The following SLC6A9 variants were observed in gnomAD, a reference collection of about 807,000 sequenced individuals.
The protein encoded by SLC6A9 is sodium- and chloride-dependent glycine transporter 1.
In SLC6A9, 31 loss-of-function variants were observed where a neutral mutation model predicts 70.9. The observed-to-expected ratio is 0.44, with a 90% CI of 0.33 to 0.59. The LOEUF (loss-of-function observed/expected upper bound fraction) is 0.59. SLC6A9 is among the 20% of genes least tolerant of loss of function. The probability of loss-of-function intolerance (pLI) is 0.04; values close to 1 mark genes in which losing one functional copy is unlikely to be tolerated. For synonymous variants in SLC6A9, 310 were observed against 341.3 expected (o/e 0.91, Z 1.01); for missense variants, 631 against 845.2 (o/e 0.75, Z 3.14).
At chr1:44,028,264 G>A (rs890014963) in intron 1 of SLC6A9, among the ~76,000 whole-genome samples, 7 of 152,302 alleles carry the variant, frequency 4.6e-5, no homozygotes, top group African/African-American at 1.7e-4. Context: ...GGACAGAGAG[G>A]CCTGGCCAGG....
chr1:43,998,032 G>A lies in SLC6A9; in HGVS notation c.1537-7C>T, dbSNP rs200447608. 10 of 1,605,972 alleles carry A rather than the reference G, an allele frequency of 6.2e-6. No individual in the cohort carries two copies. The highest frequency in any genetic ancestry group is 3.3e-5 in the South Asian group (3 of 90,334). On this transcript the variant is annotated splice_region_variant and splice_polypyrimidine_tract_variant and intron_variant, in intron 12 of 13. Coordinates refer to ENST00000372310, the MANE Select transcript of SLC6A9 (RefSeq NM_001024845.3). ...CAGTGAAAACTAGAATAAACTGCACGGGGCAGGTGTGGGAGTGGGCGTGAG... is the reference window on the plus strand; with the variant it reads ...CAGTGAAAACTAGAATAAACTGCACAGGGCAGGTGTGGGAGTGGGCGTGAG...
At chr1:44,009,439 G>A (rs376654850) in intron 4 of SLC6A9, among the ~76,000 whole-genome samples, 2 of 152,068 alleles carry the variant, frequency 1.3e-5, no homozygotes, top group African/African-American at 4.8e-5. Flanking sequence ...TAGCCAGTAT[G>A]GTCTTGATCT....
intron 5 of SLC6A9, among the ~76,000 whole-genome samples, chr1:44,007,777 C>G (rs894369744): frequency 3.3e-5 from 5 of 152,166 alleles, no homozygotes; most frequent in Admixed American, 6.5e-5. Flanking sequence ...AGGATCTGCC[C>G]CCCTTTCCCC....
At position 44,002,690 on chromosome 1, in the gene SLC6A9, C is replaced by T; in HGVS notation, c.724-44G>A. The T allele has an allele frequency of 6.2e-7, 1 of 1,611,678 alleles. No individual in the cohort carries two copies. The highest frequency in any genetic ancestry group is 2.2e-5 in the East Asian group (1 of 44,864). On this transcript the variant is annotated intron_variant, in intron 6 of 13. Transcript: ENST00000372310. The surrounding 1 kb of genome is among the most constrained non-coding windows in gnomAD (Gnocchi z 5.5). ...ATGGACTCTTCTGGGCTCTCCCCTC[C>T]CCTGGGCACCACCACCCTGGCTCCC...
Position 44,024,311 on chromosome 1 carries a change from C to T in SLC6A9, c.-34G>A, listed in dbSNP as rs1194959538. On this transcript the variant is annotated 5_prime_UTR_variant, in exon 2 of 14. Coordinates refer to ENST00000372310, the MANE Select transcript of SLC6A9 (RefSeq NM_001024845.3). The stretch of plus-strand genomic sequence containing the variant: ...TGGGTTGGGGCTCTGGTGACGGGGA[C>T]CACACTCACAGGCTCTGCTTCCAGC... 6.2e-7 allele frequency: 1 copy of T among 1,613,726 alleles called. No individual in the cohort carries two copies. The highest frequency in any genetic ancestry group is 8.5e-7 in the Non-Finnish European group (1 of 1,179,582).
chr1:43,997,774 C>A lies in SLC6A9; in HGVS notation c.1708-35G>T. On this transcript the variant is annotated intron_variant, in intron 13 of 13. Transcript: ENST00000372310. This position sits in a 1 kb window ranked among gnomAD's most constrained non-coding sequence, Gnocchi z 4.4. ...GTAGGCATGGGGCACAGGGGCAGGG[C>A]ACGTCAGGAGGGAGCCCTTAAGCCC... The A allele has an allele frequency of 6.3e-7, 1 of 1,592,882 alleles. No homozygotes were observed. Among genetic ancestry groups the A allele is most frequent in the Non-Finnish European group, 8.6e-7 (1 of 1,168,232 alleles).
intron 1 of SLC6A9, among the ~76,000 whole-genome samples, chr1:44,030,995 C>A (rs573004304): frequency 1.3e-5 from 2 of 152,032 alleles, no homozygotes; most frequent in Admixed American, 1.3e-4. Context: ...CTGGCGCCCC[C>A]CCGCCACCCC....
rs942748623 is a variant in SLC6A9 at position 43,997,016 on chromosome 1, A to G, written c.*529T>C. ...GGCTGGGGGCGAGGAGGTGGCGACC[A>G]CAGAGAATACAATGTTTACAAAAAT... On this transcript the variant is annotated 3_prime_UTR_variant, in exon 14 of 14. Coordinates refer to ENST00000372310, the MANE Select transcript of SLC6A9 (RefSeq NM_001024845.3). The surrounding 1 kb of genome is among the most constrained non-coding windows in gnomAD (Gnocchi z 4.4). 6 of 154,834 alleles carry G rather than the reference A, an allele frequency of 3.9e-5. No individual in the cohort carries two copies. The highest frequency in any genetic ancestry group is 9.6e-5 in the African/African-American group (4 of 41,462). 9.6% of individuals were successfully genotyped at this position (154,834 alleles called of 1,614,324 possible).
At chr1:44,011,820 C>G (rs2086582875) in intron 2 of SLC6A9, 3 of 1,209,142 alleles carry the variant, frequency 2.5e-6, no homozygotes, top group Non-Finnish European at 3.5e-6. Flanking sequence ...GGCCTGGGCC[C>G]CACTGAGGAC....
intron 3 of SLC6A9, chr1:44,010,404 C>A: frequency 2.4e-6 from 1 of 411,208 alleles, no homozygotes; most frequent in Non-Finnish European, 4.3e-6. Context: ...CATCCCTGAA[C>A]CATTTAGGGG....
At chr1:44,031,099 C>T (rs1033206764) in intron 1 of SLC6A9, among the ~76,000 whole-genome samples, 10 of 151,258 alleles carry the variant, frequency 6.6e-5, no homozygotes, top group Admixed American at 3.9e-4. Context: ...CCGATCTTTG[C>T]GGCGAGACAG....
Position 44,002,399 on chromosome 1 carries a change from G to T in SLC6A9, c.876C>A (p.Ala292=). Residue 292 remains alanine (A), a synonymous_variant, in exon 8 of 14, where the codon GCC becomes GCA. Coordinates refer to ENST00000372310, the MANE Select transcript of SLC6A9 (RefSeq NM_001024845.3). The surrounding 1 kb of genome is among the most constrained non-coding windows in gnomAD (Gnocchi z 5.5). ...AGCCCAGTGAGTAGAAGATCTGGGA[G>T]GCAGCATCACCCCACACCTGCAGGG... ...ILEAKVWGDA[A]SQIFYSLGCA... is the part of the protein sequence containing the mutation. The T allele has an allele frequency of 1.2e-6, 2 of 1,614,094 alleles. No homozygotes were observed. Among genetic ancestry groups the T allele is most frequent in the South Asian group, 2.2e-5 (2 of 91,084 alleles).
In SLC6A9 at chr1:44,002,971, T is replaced by C. The variant is rs1023544528; in HGVS notation, c.605A>G (p.Lys202Arg). 1.9e-6 allele frequency: 3 copies of C among 1,614,062 alleles called. No homozygotes were observed. The highest frequency in any genetic ancestry group is 2.5e-6 in the Non-Finnish European group (3 of 1,179,980). The change falls in exon 6 of 14, where the codon AAG (lysine) becomes AGG (arginine). Residue 202 changes from lysine to arginine, a missense_variant. Coordinates refer to ENST00000372310, the MANE Select transcript of SLC6A9 (RefSeq NM_001024845.3). The surrounding 1 kb of genome is among the most constrained non-coding windows in gnomAD (Gnocchi z 5.5). Reference sequence around the variant, plus strand: ...AAAGTTCCCAATGTCATCTGACAGCTTCAGCACGTACAGCCTGGGAAGGGG... The same window carrying C: ...AAAGTTCCCAATGTCATCTGACAGCCTCAGCACGTACAGCCTGGGAAGGGG... The part of the protein sequence containing the change: ...SEEYWRLYVL[K>R]LSDDIGNFGE...
chr1:44,020,855 T>C (rs2086868572), intron 2 of SLC6A9, among the ~76,000 whole-genome samples: 1 of 152,212 alleles, frequency 6.6e-6, no homozygotes, highest in Admixed American at 6.5e-5. Flanking sequence ...CAAGGCCTCC[T>C]TGGATTTGGA....
At chr1:44,003,906 G>A (rs1023493414) in intron 5 of SLC6A9, among the ~76,000 whole-genome samples, 22 of 152,152 alleles carry the variant, frequency 1.4e-4, no homozygotes, top group African/African-American at 4.3e-4. Flanking sequence ...GCCTGCAGGG[G>A]CATCTCCCCA....
chr1:44,011,646 T>C (rs373463318), intron 2 of SLC6A9: 7 of 1,613,800 alleles, frequency 4.3e-6, no homozygotes, highest in African/African-American at 1.3e-5. Flanking sequence ...GAGGACAGAC[T>C]CTGCTAGGGA....
At position 43,997,750 on chromosome 1, in the gene SLC6A9, T is replaced by C; in HGVS notation, c.1708-11A>G. 1 of 1,603,058 alleles carries C rather than the reference T, an allele frequency of 6.2e-7. No individual in the cohort carries two copies. The highest frequency in any genetic ancestry group is 1.1e-5 in the South Asian group (1 of 90,504). On this transcript the variant is annotated splice_polypyrimidine_tract_variant and intron_variant, in intron 13 of 13. Coordinates refer to ENST00000372310, the MANE Select transcript of SLC6A9 (RefSeq NM_001024845.3). The surrounding 1 kb of genome is among the most constrained non-coding windows in gnomAD (Gnocchi z 4.4). Reference sequence around the variant, plus strand: ...GGCATTTTTCAAACGCTGCATGAGGTAGGCATGGGGCACAGGGGCAGGGCA... The same window carrying C: ...GGCATTTTTCAAACGCTGCATGAGGCAGGCATGGGGCACAGGGGCAGGGCA...
chr1:44,010,289 G>C (rs375928288), intron 3 of SLC6A9, 193 bp from the exon 4 acceptor site: 8 of 579,994 alleles, frequency 1.4e-5, no homozygotes, highest in African/African-American at 9.4e-5. Flanking sequence ...AGGCTCTCAG[G>C]AATTCTGCTT....
intron 12 of SLC6A9, among the ~76,000 whole-genome samples, chr1:43,998,325 C>G (rs2085959187): frequency 6.6e-6 from 1 of 152,216 alleles, no homozygotes; most frequent in African/African-American, 2.4e-5. Flanking sequence ...CTCGCTATGG[C>G]TCCCCATGGC....
Sources: allele counts gnomAD v4.1 joint callset (sites outside exome capture counted in the v4.1 genomes callset), GRCh38; gene constraint gnomAD v4.1.1; non-coding constraint Gnocchi (gnomAD v3.1); transcripts MANE v1.5; gene names NCBI Gene and HGNC (gene_info 2026-07-23, HGNC 2026-07-21).